The following ITGB4 variants were observed in gnomAD, a reference collection of about 807,000 sequenced individuals.
ITGB4 encodes the protein integrin beta-4.
ITGB4 carries 159 observed loss-of-function variants against 207.6 expected under a neutral mutation model. That is an observed-to-expected ratio of 0.77 (90% CI 0.67 to 0.87). The LOEUF is 0.87. ITGB4 is among the 40% of genes least tolerant of loss of function. The pLI is 0.00. For missense variants in ITGB4, 2,278 were observed against 2,546.8 expected, an observed-to-expected ratio of 0.89 and a Z score of 2.27; for synonymous variants, 1,020 against 1,062.7, an observed-to-expected ratio of 0.96 and a Z score of 0.78.
At chr17:75,737,786 C>G in intron 18 of ITGB4, 142 bp downstream of exon 18, 1 of 726,486 alleles carries the variant, frequency 1.4e-6, no homozygotes. Flanking sequence ...GTCCCCACCT[C>G]CCCAGGGTCC....
At position 75,757,080 on chromosome 17, in the gene ITGB4, A is replaced by G. The variant is rs927902053; in HGVS notation, c.5191A>G (p.Ile1731Val). Residue 1731 changes from isoleucine (I) to valine (V), a missense_variant, in exon 38 of 40, where the codon ATC becomes GTC. Transcript: ENST00000200181. ...GGGCTTCGGGCCAGAGCGCGAGGGCATCATCACCATAGAGTCCCAGGATGG... is the reference window on the plus strand; with the variant it reads ...GGGCTTCGGGCCAGAGCGCGAGGGCGTCATCACCATAGAGTCCCAGGATGG... ...TEGFGPEREG[I>V]ITIESQDGGP... The G allele has an allele frequency of 2.3e-5, 37 of 1,612,772 alleles. No individual in the cohort carries two copies. The highest frequency in any genetic ancestry group is 2.7e-5 in the Non-Finnish European group (32 of 1,179,936).
chr17:75,750,900 C>T lies in ITGB4; in HGVS notation c.3655+40C>T. 6.2e-7 allele frequency: 1 copy of T among 1,613,210 alleles called. No homozygotes were observed. Among genetic ancestry groups the T allele is most frequent in the Middle Eastern group, 1.6e-4 (1 of 6,062 alleles). ...TGTCTGTCCATTTGTCCCCTGGCTG[C>T]CCTGATGCCAGCATGCCCAGACCTC... On this transcript the variant is annotated intron_variant, in intron 29 of 39. Coordinates refer to ENST00000200181, the MANE Select transcript of ITGB4 (RefSeq NM_000213.5). This position sits in a 1 kb window ranked among gnomAD's most constrained non-coding sequence, Gnocchi z 5.5.
At position 75,744,881 on chromosome 17, in the gene ITGB4, G is replaced by A. The variant is rs373480764; in HGVS notation, c.3111+1020G>A. 7.9e-5 allele frequency among the ~76,000 whole-genome samples: 12 copies of A among 151,946 alleles called. No individual in the cohort carries two copies. In the South Asian group the frequency reaches 1.9e-3, roughly 24 times the overall value. ...TGACCTCAAGTGATCCACCCACCTC[G>A]GCCTCCCAAAGTGCTGGGATTACAG... is the stretch of plus-strand genomic sequence containing the variant. On this transcript the variant is annotated intron_variant, in intron 26 of 39. Coordinates refer to ENST00000200181, the MANE Select transcript of ITGB4 (RefSeq NM_000213.5).
intron 30 of ITGB4, 30 bp from the exon 31 acceptor site, chr17:75,752,144 T>C (rs1446724947): frequency 1.2e-6 from 2 of 1,611,878 alleles, no homozygotes; most frequent in East Asian, 4.5e-5. Flanking sequence ...GGGACCTGGG[T>C]GACCCTCTGA....
rs1448303878 is a variant in ITGB4, at chr17:75,757,419, G to T, written c.5333G>T (p.Gly1778Val). The change falls in exon 40 of 40, where the codon GGG becomes GTG. Residue 1778 changes from glycine (G) to valine (V), a missense_variant. Gly to Val is a moderately radical substitution (Grantham distance 109, BLOSUM62 -3). Transcript: ENST00000200181. ...TSATEPFLVD[G>V]LTLGAQHLEA... ...TCTAATGCCTCCTCCTCCACAGATG[G>T]GCTGACCCTGGGGGCCCAGCACCTG... is the stretch of plus-strand genomic sequence containing the variant. 1.2e-6 allele frequency: 2 copies of T among 1,613,100 alleles called. No individual in the cohort carries two copies. Among genetic ancestry groups the T allele is most frequent in the Non-Finnish European group, 1.7e-6 (2 of 1,179,982 alleles).
chr17:75,737,679 C>G (rs771035706), intron 18 of ITGB4, 35 bp downstream of exon 18: 1 of 1,558,254 alleles, frequency 6.4e-7, no homozygotes, highest in Non-Finnish European at 8.8e-7. Context: ...GGCCCCACAT[C>G]CCAGGGTCCC....
Position 75,733,617 on chromosome 17 carries a change from G to A in ITGB4, c.1582G>A (p.Glu528Lys), listed in dbSNP as rs751452707. The A allele has an allele frequency of 5.6e-6, 9 of 1,614,030 alleles. No individual in the cohort carries two copies. The highest frequency in any genetic ancestry group is 1.3e-5 in the African/African-American group (1 of 74,942). The change falls in exon 13 of 40, where the codon GAA becomes AAA. Residue 528 changes from glutamate to lysine, a missense_variant. Physicochemically the swap from Glu to Lys is moderately conservative, Grantham distance 56. Coordinates refer to ENST00000200181, the MANE Select transcript of ITGB4 (RefSeq NM_000213.5). ...GTGCGGGCACTGTGTGTGCTACGGC[G>A]AAGGCCGCTACGAGGGTCAGTTCTG... The part of the protein sequence containing the change: ...CQCGHCVCYG[E>K]GRYEGQFCEY...
chr17:75,735,974 C>T (rs747640004), intron 13 of ITGB4, 77 bp from the exon 14 acceptor site: 70 of 1,373,442 alleles, frequency 5.1e-5, no homozygotes, highest in Non-Finnish European at 6.9e-5. Context: ...TTCCCACAGG[C>T]CCTCCCTGCC....
chr17:75,752,137 A>T (rs1296414862), intron 30 of ITGB4, 37 bp from the exon 31 acceptor site: 1 of 1,606,176 alleles, frequency 6.2e-7, no homozygotes, highest in Non-Finnish European at 8.5e-7. Flanking sequence ...CCAGGCTGGG[A>T]CCTGGGTGAC....
chr17:75,750,126 G>A lies in ITGB4; in HGVS notation c.3332G>A (p.Ser1111Asn), dbSNP rs1370395717. Residue 1111 changes from serine (S) to asparagine (N), a missense_variant, in exon 28 of 40, where the codon AGC becomes AAC. Transcript: ENST00000200181. The surrounding 1 kb of genome is among the most constrained non-coding windows in gnomAD (Gnocchi z 5.5). ...IIRDPDELDRSFTSQMLSSQP... is the reference protein window; with the variant it reads ...IIRDPDELDRNFTSQMLSSQP... ...GACCCGTTAGATGAACTGGACCGGA[G>A]CTTCACGAGTCAGATGTTGTCATCA... The A allele has an allele frequency of 1.2e-6, 2 of 1,613,596 alleles. No individual in the cohort carries two copies. The highest frequency in any genetic ancestry group is 2.2e-5 in the East Asian group (1 of 44,900).
Position 75,756,709 on chromosome 17 carries a change from G to T in ITGB4, c.4903G>T (p.Ala1635Ser). The T allele has an allele frequency of 6.2e-7, 1 of 1,613,282 alleles. No homozygotes were observed. Among genetic ancestry groups the T allele is most frequent in the Non-Finnish European group, 8.5e-7 (1 of 1,179,996 alleles). ...TCTTCCTCTACTGCCCCCAGGCTCC[G>T]CCTTCACTTTGAGCACTCCCAGTGC... ...QSPLCPLPGSAFTLSTPSAPG... is the reference protein window; with the variant it reads ...QSPLCPLPGSSFTLSTPSAPG... Residue 1635 changes from alanine to serine, a missense_variant, in exon 37 of 40, where the codon GCC (alanine) becomes TCC (serine). By Grantham distance (99) the Ala-to-Ser change is moderately conservative (BLOSUM62 1). Transcript: ENST00000200181.
At position 75,750,578 on chromosome 17, in the gene ITGB4, C is replaced by T. The variant is rs2143361132; in HGVS notation, c.3475-102C>T. ...ATCTCTCAGCCCCTCCCTCGGGCCT[C>T]ATCTGTGCAAAGAGGACAGTAAGGG... On this transcript the variant is annotated intron_variant, in intron 28 of 39. Coordinates refer to ENST00000200181, the MANE Select transcript of ITGB4 (RefSeq NM_000213.5). This position sits in a 1 kb window ranked among gnomAD's most constrained non-coding sequence, Gnocchi z 5.5. The T allele has an allele frequency of 9.2e-7, 1 of 1,082,746 alleles. No homozygotes were observed. Among genetic ancestry groups the T allele is most frequent in the East Asian group, 2.6e-5 (1 of 39,166 alleles). The allele number at this position is 1,082,746 out of a possible 1,614,324, so 67.1% of individuals were successfully genotyped here.
Position 75,732,544 on chromosome 17 carries a change from G to A in ITGB4, c.1454+305G>A, listed in dbSNP as rs1180274179. Among the ~76,000 whole-genome samples the A allele has an allele frequency of 6.6e-6, 1 of 152,160 alleles. No homozygotes were observed. Among genetic ancestry groups the A allele is most frequent in the African/African-American group, 2.4e-5 (1 of 41,422 alleles). ...ACACGAGGCTTCCTTTTTGCTCCAT[G>A]CCTTTGGTATTCTGAGTCCTGTGTC... is the stretch of plus-strand genomic sequence containing the variant. On this transcript the variant is annotated intron_variant, in intron 12 of 39. Coordinates refer to ENST00000200181, the MANE Select transcript of ITGB4 (RefSeq NM_000213.5). The surrounding 1 kb of genome is among the most constrained non-coding windows in gnomAD (Gnocchi z 5.3).
chr17:75,755,835 C>A lies in ITGB4; in HGVS notation c.4693C>A (p.Gln1565Lys), dbSNP rs757399609. The A allele has an allele frequency of 6.2e-7, 1 of 1,606,076 alleles. No homozygotes were observed. Among genetic ancestry groups the A allele is most frequent in the Admixed American group, 1.7e-5 (1 of 59,986 alleles). The stretch of plus-strand genomic sequence containing the variant: ...GCTGCAGGGCTACAGTGTGGAGTAC[C>A]AGCTGCTGAACGGCGGTGAGGCATG... ...RPLQGYSVEY[Q>K]LLNGGELHRL... Residue 1565 changes from glutamine to lysine, a missense_variant, in exon 35 of 40, where the codon CAG becomes AAG. By Grantham distance (53) the Gln-to-Lys change is moderately conservative. Coordinates refer to ENST00000200181, the MANE Select transcript of ITGB4 (RefSeq NM_000213.5).
In ITGB4 at chr17:75,740,453, G is replaced by A; in HGVS notation, c.2542G>A (p.Glu848Lys). 1.2e-6 allele frequency: 2 copies of A among 1,613,632 alleles called. No homozygotes were observed. The highest frequency in any genetic ancestry group is 1.7e-6 in the Non-Finnish European group (2 of 1,179,888). Residue 848 changes from glutamate to lysine, a missense_variant, in exon 21 of 40, where the codon GAG becomes AAG. Physicochemically the swap from Glu to Lys is moderately conservative, Grantham distance 56. Transcript: ENST00000200181. This position sits in a 1 kb window ranked among gnomAD's most constrained non-coding sequence, Gnocchi z 5.9. ...GTGCGCCCAGCTGCGCCAGGAGGTGGAGGAGAACGTAAGGACCCAGGAACT... is the reference window on the plus strand; with the variant it reads ...GTGCGCCCAGCTGCGCCAGGAGGTGAAGGAGAACGTAAGGACCCAGGAACT... ...RECAQLRQEV[E>K]ENLNEVYRQI... is the part of the protein sequence containing the mutation.
In ITGB4 at chr17:75,737,636, T is replaced by C. The variant is rs2061011393; in HGVS notation, c.2212T>C (p.Cys738Arg). 2 of 1,612,742 alleles carry C rather than the reference T, an allele frequency of 1.2e-6. No homozygotes were observed. The highest frequency in any genetic ancestry group is 1.3e-5 in the African/African-American group (1 of 74,866). Residue 738 changes from cysteine to arginine, a missense_variant, in exon 18 of 40, where the codon TGC becomes CGC. Cys to Arg is a radical substitution (Grantham distance 180). Coordinates refer to ENST00000200181, the MANE Select transcript of ITGB4 (RefSeq NM_000213.5). ...LLLLCWKYCA[C>R]CKACLALLPC... ...GCTGCTATGCTGGAAGTACTGTGCC[T>C]GCTGCAAGGTGAGCACCCAGGGTGC... is the stretch of plus-strand genomic sequence containing the variant.
At chr17:75,741,614 A>C (rs1216935272) in intron 23 of ITGB4, among the ~76,000 whole-genome samples, 1 of 151,976 alleles carries the variant, frequency 6.6e-6, no homozygotes, top group African/African-American at 2.4e-5. Flanking sequence ...AAGACTAGCC[A>C]GGCCAACATG....
Position 75,732,223 on chromosome 17 carries a change from G to T in ITGB4, c.1438G>T (p.Val480Leu). 17 of 1,614,078 alleles carry T rather than the reference G, an allele frequency of 1.1e-5. No homozygotes were observed. Among genetic ancestry groups the T allele is most frequent in the Non-Finnish European group, 1.4e-5 (17 of 1,180,042 alleles). ...FNGDFVCGQC[V>L]CSEGWSGQTC... is the part of the protein sequence containing the mutation. ...CGGAGACTTCGTGTGCGGACAGTGT[G>T]TGTGCAGCGAGGGCTGGTGAGTGGG... Residue 480 changes from valine (V) to leucine (L), a missense_variant, in exon 12 of 40, where the codon GTG (valine) becomes TTG (leucine). By Grantham distance (32) the Val-to-Leu change is conservative (BLOSUM62 1). Coordinates refer to ENST00000200181, the MANE Select transcript of ITGB4 (RefSeq NM_000213.5). The surrounding 1 kb of genome is among the most constrained non-coding windows in gnomAD (Gnocchi z 5.3).
rs767069797 is a variant in ITGB4, at chr17:75,729,364, A to G, written c.666A>G (p.Gly222=). Residue 222 remains glycine, a synonymous_variant, in exon 7 of 40, where the codon GGA becomes GGG. Coordinates refer to ENST00000200181, the MANE Select transcript of ITGB4 (RefSeq NM_000213.5). This position sits in a 1 kb window ranked among gnomAD's most constrained non-coding sequence, Gnocchi z 4.4. ...DVDEFRNKLQ[G]ERISGNLDAP... The stretch of plus-strand genomic sequence containing the variant: ...ATGAGTTCCGGAATAAACTGCAGGG[A>G]GAGCGGATCTCAGGCAACCTGGATG... The G allele has an allele frequency of 2.5e-6, 4 of 1,614,062 alleles. No homozygotes were observed. The highest frequency in any genetic ancestry group is 1.7e-5 in the Admixed American group (1 of 59,994).
Sources: allele counts gnomAD v4.1 joint callset (sites outside exome capture counted in the v4.1 genomes callset), GRCh38; gene constraint gnomAD v4.1.1; non-coding constraint Gnocchi (gnomAD v3.1); transcripts MANE v1.5; gene names NCBI Gene and HGNC (gene_info 2026-07-23, HGNC 2026-07-21).